Variants in NAA50 observed in about 807,000 individuals in gnomAD.
NAA50 encodes the protein N-alpha-acetyltransferase 50.
NAA50 carries 7 observed loss-of-function variants against 20.7 expected under a neutral mutation model. The observed-to-expected ratio is 0.34, with a 90% CI of 0.19 to 0.63. The LOEUF (loss-of-function observed/expected upper bound fraction) is 0.63. Ranked by LOEUF, NAA50 falls within the 30% of genes least tolerant of loss-of-function variation. NAA50 has a pLI of 0.75. For missense variants in NAA50, 111 were observed against 199.1 expected (o/e 0.56, Z 2.66); for synonymous variants, 54 against 70.6 (o/e 0.77, Z 1.18).
chr3:113,719,847 T>TA lies in NAA50; in HGVS notation c.*1912dup, dbSNP rs1708110998. On this transcript the variant is annotated 3_prime_UTR_variant, in exon 5 of 5. Coordinates refer to ENST00000240922, the MANE Select transcript of NAA50 (RefSeq NM_025146.4). ...CAGTGTCATCTCAGAAAACCATTTATATATCAAAGTCTATTTTGATATCTG... is the reference window on the plus strand; with the variant it reads ...CAGTGTCATCTCAGAAAACCATTTATAATATCAAAGTCTATTTTGATATCTG... The TA allele has an allele frequency of 2.0e-5, 3 of 152,656 alleles. No individual in the cohort carries two copies. The highest frequency in any genetic ancestry group is 4.4e-5 in the Non-Finnish European group (3 of 68,018). 9.5% of individuals were successfully genotyped at this position (152,656 alleles called of 1,614,324 possible). A position where few individuals can be genotyped will look rare whatever the true frequency, so the allele number is the denominator to read the frequency against.
rs766424048 is a variant in NAA50, at chr3:113,718,184, C to G, written c.*3576G>C. On this transcript the variant is annotated 3_prime_UTR_variant, in exon 5 of 5. Coordinates refer to ENST00000240922, the MANE Select transcript of NAA50 (RefSeq NM_025146.4). ...CCAAGGAACTGAAGCCCAAGAGCCA[C>G]GTGAGCATCAGGCACTGTGTGTGAT... 1.2e-4 allele frequency: 18 copies of G among 152,210 alleles called. No homozygotes were observed. The highest frequency in any genetic ancestry group is 1.2e-3 in the Admixed American group (18 of 15,276). The allele number at this position is 152,210 out of a possible 1,614,324, so 9.4% of individuals were successfully genotyped here.
chr3:113,744,688 A>C (rs564675227), intron 1 of NAA50, among the ~76,000 whole-genome samples: 64 of 152,350 alleles, frequency 4.2e-4, no homozygotes, highest in African/African-American at 1.5e-3. Flanking sequence ...CATGGTTCTT[A>C]AACTTTAAAG....
At chr3:113,724,384 T>A (rs934648150) in intron 1 of NAA50, among the ~76,000 whole-genome samples, 2 of 152,244 alleles carry the variant, frequency 1.3e-5, no homozygotes, top group Admixed American at 1.3e-4. Context: ...TTGTAGTTCA[T>A]AGTTCAGAAA....
intron 1 of NAA50, among the ~76,000 whole-genome samples, chr3:113,737,137 G>A (rs544134120): frequency 2.6e-5 from 4 of 152,148 alleles, no homozygotes; most frequent in Non-Finnish European, 5.9e-5. Flanking sequence ...TTCTGTCAAA[G>A]GAATGACCTT....
Position 113,721,893 on chromosome 3 carries a change from T to C in NAA50, c.377A>G (p.Lys126Arg), listed in dbSNP as rs1170324410. 2.3e-5 allele frequency: 37 copies of C among 1,613,900 alleles called. No individual in the cohort carries two copies. The highest frequency in any genetic ancestry group is 3.3e-5 in the Admixed American group (2 of 60,008). ...TGTCTCAATAATCTCAAAGCCAAAC[T>C]TCCTGTAGAAGTCAATTGCCGACTC... ...SNESAIDFYR[K>R]FGFEIIETKK... The change falls in exon 5 of 5, where the codon AAG becomes AGG. Residue 126 changes from lysine (K) to arginine (R), a missense_variant. Lys to Arg is a conservative substitution (Grantham distance 26, BLOSUM62 2). Transcript: ENST00000240922.
rs1708080497 is a variant in NAA50 at position 113,717,946 on chromosome 3, A to C, written c.*3814T>G. 1 of 152,340 alleles carries C rather than the reference A, an allele frequency of 6.6e-6. No homozygotes were observed. The highest frequency in any genetic ancestry group is 6.6e-5 in the Admixed American group (1 of 15,258). 9.4% of individuals were successfully genotyped at this position (152,340 alleles called of 1,614,324 possible). A position where few individuals can be genotyped will look rare whatever the true frequency, so the allele number is the denominator to read the frequency against. On this transcript the variant is annotated 3_prime_UTR_variant, in exon 5 of 5. Transcript: ENST00000240922. ...TGATAGCCAGTCTCCTAGAGGGCCC[A>C]ATGATATCCACCTCCCAGTATTCAC...
rs776526983 is a variant in NAA50, at chr3:113,721,750, T to G, written c.*10A>C. On this transcript the variant is annotated 3_prime_UTR_variant, in exon 5 of 5. Transcript: ENST00000240922. The stretch of plus-strand genomic sequence containing the variant: ...ACAAGCAAGTGCAAGAAAGTTCATT[T>G]GTAATTTGTTCAGTTGTCTGTCTTT... The G allele has an allele frequency of 1.2e-6, 2 of 1,613,610 alleles. No homozygotes were observed. The highest frequency in any genetic ancestry group is 1.7e-4 in the Middle Eastern group (1 of 6,058).
At chr3:113,722,023 C>G in intron 4 of NAA50, 86 bp from the exon 5 acceptor site, 1 of 1,222,612 alleles carries the variant, frequency 8.2e-7, no homozygotes, top group Admixed American at 2.5e-5. Flanking sequence ...CTCCAAACAT[C>G]TGTTACATTC....
rs1708501264 is a variant in NAA50, at chr3:113,746,220, G to A, written c.-271C>T. 6.4e-6 allele frequency: 3 copies of A among 469,740 alleles called. No homozygotes were observed. Among genetic ancestry groups the A allele is most frequent in the South Asian group, 2.7e-5 (1 of 37,512 alleles). 29.1% of individuals were successfully genotyped at this position (469,740 alleles called of 1,614,324 possible). A position where few individuals can be genotyped will look rare whatever the true frequency, so the allele number is the denominator to read the frequency against. On this transcript the variant is annotated 5_prime_UTR_variant, in exon 1 of 5. Coordinates refer to ENST00000240922, the MANE Select transcript of NAA50 (RefSeq NM_025146.4). ...CGGCTCCCTCCCGCCGCTGCCGCCA[G>A]CCAGACCCGCTGCCGCGCTGTGACC...
At chr3:113,723,876 ACTT>A (rs1207406202) in intron 2 of NAA50, 80 bp downstream of exon 2, 5 of 1,387,080 alleles carry the variant, frequency 3.6e-6, no homozygotes, top group Admixed American at 5.1e-5. Context: ...AAATTAGTTA[ACTT>A]CTTCTGCTCT....
rs1228870682 is a variant in NAA50 at position 113,718,622 on chromosome 3, G to A, written c.*3138C>T. 1 of 152,008 alleles carries A rather than the reference G, an allele frequency of 6.6e-6. No homozygotes were observed. Among genetic ancestry groups the A allele is most frequent in the South Asian group, 2.1e-4 (1 of 4,836 alleles). 9.4% of individuals were successfully genotyped at this position (152,008 alleles called of 1,614,324 possible). ...GAACTACCGTACTCCTTCCTTACAA[G>A]GAAGAAAAACAAAACACCTGAATAT... On this transcript the variant is annotated 3_prime_UTR_variant, in exon 5 of 5. Coordinates refer to ENST00000240922, the MANE Select transcript of NAA50 (RefSeq NM_025146.4).
chr3:113,728,181 A>AT (rs1238957660), intron 1 of NAA50, among the ~76,000 whole-genome samples: 2 of 152,294 alleles, frequency 1.3e-5, no homozygotes, highest in East Asian at 3.9e-4. Flanking sequence ...AGAATAACCT[A>AT]TAAAAAATTA....
At chr3:113,733,853 CAA>C (rs58431115) in intron 1 of NAA50, among the ~76,000 whole-genome samples, 21,951 of 66,476 alleles carry the variant, frequency 0.33, 687 homozygotes, top group Non-Finnish European at 0.36. Flanking sequence ...ACTCTGTCTC[CAA>C]AAAAAAAAAA....
In NAA50 at chr3:113,741,518, C is replaced by T. The variant is rs116296706; in HGVS notation, c.8+4424G>A. On this transcript the variant is annotated intron_variant, in intron 1 of 4. Transcript: ENST00000240922. ...CATTTGAATAATTGAGAAAGAGTAT[C>T]GCTTCAGATATCACACAGCTGAAAG... Among the ~76,000 whole-genome samples the T allele has an allele frequency of 9.0e-3, 1,368 of 152,242 alleles. 11 individuals are homozygous for T. Among genetic ancestry groups the T allele is most frequent in the Middle Eastern group, 0.024 (7 of 292 alleles).
At chr3:113,723,359 G>A in intron 3 of NAA50, 63 bp downstream of exon 3, 2 of 1,479,182 alleles carry the variant, frequency 1.4e-6, no homozygotes, top group Non-Finnish European at 1.8e-6. Flanking sequence ...TACTAGGTCA[G>A]ACACATTAAC....
At chr3:113,733,800 C>G (rs1171671946) in intron 1 of NAA50, among the ~76,000 whole-genome samples, 1 of 132,630 alleles carries the variant, frequency 7.5e-6, no homozygotes, top group Non-Finnish European at 1.5e-5. Context: ...TTTCAGTGAG[C>G]TGAGATCACG....
Position 113,723,423 on chromosome 3 carries a change from T to C in NAA50, c.264A>G (p.Ile88Met), listed in dbSNP as rs1230242725. The change falls in exon 3 of 5, where the codon ATA becomes ATG. Residue 88 changes from isoleucine to methionine, a missense_variant and splice_region_variant. Ile to Met is a conservative substitution (Grantham distance 10). Transcript: ENST00000240922. ...AGTAAAAAAACCACAATTTTTTACC[T>C]ATTCCTAGCCTTCGGTAAGGTGCCA... is the stretch of plus-strand genomic sequence containing the variant. ...GCLAPYRRLG[I>M]GTKMLNHVLN... The C allele has an allele frequency of 1.9e-6, 3 of 1,599,474 alleles. No homozygotes were observed. Among genetic ancestry groups the C allele is most frequent in the Non-Finnish European group, 2.6e-6 (3 of 1,174,640 alleles).
At chr3:113,723,896 A>C (rs1017513848) in intron 2 of NAA50, 63 bp downstream of exon 2, 42 of 1,440,552 alleles carry the variant, frequency 2.9e-5, no homozygotes, top group Non-Finnish European at 3.8e-5. Flanking sequence ...CTCTATAAAA[A>C]ACTAGGGTTC....
At chr3:113,736,507 A>AC (rs1708344489) in intron 1 of NAA50, among the ~76,000 whole-genome samples, 1 of 152,210 alleles carries the variant, frequency 6.6e-6, no homozygotes, top group Non-Finnish European at 1.5e-5. Context: ...TTGGCCTATA[A>AC]ATCAAGCAGT....
Sources: allele counts gnomAD v4.1 joint callset (sites outside exome capture counted in the v4.1 genomes callset), GRCh38; gene constraint gnomAD v4.1.1; transcripts MANE v1.5; gene names NCBI Gene and HGNC (gene_info 2026-07-23, HGNC 2026-07-21).